SEMA3A: variants seen among roughly 807,000 people sequenced by gnomAD.
SEMA3A encodes the protein semaphorin-3A.
SEMA3A carries 29 observed loss-of-function variants against 97.9 expected under a neutral mutation model. That is an observed-to-expected ratio of 0.30 (90% CI 0.22 to 0.40). The LOEUF is 0.40. Ranked by LOEUF, SEMA3A falls within the 10% of genes least tolerant of loss-of-function variation. SEMA3A has a pLI of 1.00. For synonymous variants in SEMA3A, 321 were observed against 323.7 expected (o/e 0.99, Z 0.09); for missense variants, 763 against 951.3 (o/e 0.80, Z 2.60).
intron 4 of SEMA3A, among the ~76,000 whole-genome samples, chr7:84,067,516 C>G (rs1749890175): frequency 6.6e-6 from 1 of 151,658 alleles, no homozygotes; most frequent in Non-Finnish European, 1.5e-5. Context: ...TTTTCGCAAC[C>G]TACTCATCTG....
intron 1 of SEMA3A, among the ~76,000 whole-genome samples, chr7:84,426,438 A>G (rs1804832202): frequency 6.6e-6 from 1 of 152,116 alleles, no homozygotes; most frequent in African/African-American, 2.4e-5. Context: ...TGTAATTTAT[A>G]TTTCACAGAG....
At chr7:84,348,611 T>A (rs563473560) in intron 2 of SEMA3A, among the ~76,000 whole-genome samples, 30 of 152,322 alleles carry the variant, frequency 2.0e-4, no homozygotes, top group African/African-American at 7.2e-4. Flanking sequence ...AATATAGTGA[T>A]AAAAGTCAGA....
At chr7:84,451,750 T>A (rs1399790452) in intron 1 of SEMA3A, among the ~76,000 whole-genome samples, 1 of 152,200 alleles carries the variant, frequency 6.6e-6, no homozygotes, top group African/African-American at 2.4e-5. Context: ...CTCAGTTTTA[T>A]GTTGAGTTCA....
In SEMA3A at chr7:84,046,415, A is replaced by T. The variant is rs2115584039; in HGVS notation, c.576T>A (p.Ala192=). The part of the protein sequence containing the change: ...IDGELYSGTA[A]DFMGRDFAIF... ...TAGCAAAGTCTCGCCCCATAAAATCAGCTGCAGTTCCAGAGTATAATTCTC... is the reference window on the plus strand; with the variant it reads ...TAGCAAAGTCTCGCCCCATAAAATCTGCTGCAGTTCCAGAGTATAATTCTC... The change falls in exon 6 of 17, where the codon GCT becomes GCA. Residue 192 remains alanine (A), a synonymous_variant. Transcript: ENST00000265362. 1 of 1,613,146 alleles carries T rather than the reference A, an allele frequency of 6.2e-7. No homozygotes were observed. Among genetic ancestry groups the T allele is most frequent in the South Asian group, 1.1e-5 (1 of 91,058 alleles).
chr7:84,140,334 C>T (rs1796260644), intron 1 of SEMA3A, among the ~76,000 whole-genome samples: 1 of 152,066 alleles, frequency 6.6e-6, no homozygotes, highest in Admixed American at 6.6e-5. Flanking sequence ...TGCAAGAGTG[C>T]CCAGAACTAG....
intron 1 of SEMA3A, among the ~76,000 whole-genome samples, chr7:84,381,009 G>A (rs1803244050): frequency 6.6e-6 from 1 of 152,102 alleles, no homozygotes; most frequent in Non-Finnish European, 1.5e-5. Context: ...GCCATGTAAG[G>A]CAACATATTT....
chr7:84,131,844 A>AT (rs1795971002), intron 2 of SEMA3A, among the ~76,000 whole-genome samples: 1 of 152,054 alleles, frequency 6.6e-6, no homozygotes, highest in Non-Finnish European at 1.5e-5. Flanking sequence ...CCAGGCTGGA[A>AT]TGCAGTGGTA....
intron 9 of SEMA3A, 145 bp from the exon 10 acceptor site, chr7:84,007,642 T>A: frequency 1.4e-6 from 1 of 695,514 alleles, no homozygotes; most frequent in Non-Finnish European, 2.1e-6. Flanking sequence ...ATTTTTCTAG[T>A]CACATGTATG....
chr7:84,424,705 T>C (rs1804726639), intron 1 of SEMA3A, among the ~76,000 whole-genome samples: 1 of 58,222 alleles, frequency 1.7e-5, no homozygotes, highest in Non-Finnish European at 2.5e-5. Context: ...TTGATATCAA[T>C]ATATAATATA....
chr7:84,383,415 A>G lies in SEMA3A; in HGVS notation c.-245-11515T>C, dbSNP rs186163868. 1.9e-3 allele frequency among the ~76,000 whole-genome samples: 291 copies of G among 152,276 alleles called. 1 individual carries two copies. Among genetic ancestry groups the G allele is most frequent in the African/African-American group, 6.8e-3 (282 of 41,574 alleles). ...CAAAGGAACTTCCAAAGTACAGTAA[A>G]TTTGAAAAAAAATTCTAGTTTACTT... On this transcript the variant is annotated intron_variant, in intron 1 of 3. Coordinates refer to the SEMA3A transcript ENST00000424555.
At chr7:84,092,950 C>CA (rs554576113) in intron 4 of SEMA3A, among the ~76,000 whole-genome samples, 12 of 149,460 alleles carry the variant, frequency 8.0e-5, no homozygotes, top group South Asian at 6.4e-4. Flanking sequence ...TAATACCAAC[C>CA]AAAAAAAAAT....
chr7:84,323,183 A>C (rs1245746804), intron 2 of SEMA3A, among the ~76,000 whole-genome samples: 1 of 152,214 alleles, frequency 6.6e-6, no homozygotes, highest in Admixed American at 6.5e-5. Flanking sequence ...TTCTCTGAAG[A>C]TTAGCTATCA....
At chr7:84,349,058 G>T (rs1242622414) in intron 2 of SEMA3A, among the ~76,000 whole-genome samples, 1 of 152,152 alleles carries the variant, frequency 6.6e-6, no homozygotes. Context: ...TGAGTTTCAA[G>T]TTGTGTAATT....
chr7:84,265,644 C>A (rs1799977227), intron 3 of SEMA3A, among the ~76,000 whole-genome samples: 2 of 151,406 alleles, frequency 1.3e-5, no homozygotes, highest in Admixed American at 1.3e-4. Flanking sequence ...CTAAATATTT[C>A]ATTCCTATTT....
intron 1 of SEMA3A, among the ~76,000 whole-genome samples, chr7:84,398,024 A>G (rs1343508875): frequency 6.6e-6 from 1 of 152,098 alleles, no homozygotes; most frequent in African/African-American, 2.4e-5. Context: ...TTCTTATTTG[A>G]TTTGCTTTTT....
intron 1 of SEMA3A, among the ~76,000 whole-genome samples, chr7:84,419,590 T>C (rs1488901127): frequency 1.3e-5 from 2 of 151,316 alleles, no homozygotes; most frequent in Non-Finnish European, 2.9e-5. Context: ...GAGGAAAAGC[T>C]TGGGGGAGAG....
rs1285056598 is a variant in SEMA3A, at chr7:84,149,289, T to C, written c.113-14338A>G. Among the ~76,000 whole-genome samples the C allele has an allele frequency of 4.6e-5, 7 of 152,256 alleles. No homozygotes were observed. In the East Asian group the frequency reaches 1.2e-3, roughly 25 times the overall value. On this transcript the variant is annotated intron_variant, in intron 1 of 16. Coordinates refer to ENST00000265362, the MANE Select transcript of SEMA3A (RefSeq NM_006080.3). ...GAGAAAAGATTAAATTCTTCCATTT[T>C]GTTTCCAAATAGTTTCTTGCTATTA...
intron 2 of SEMA3A, among the ~76,000 whole-genome samples, chr7:84,356,757 T>C (rs1213231524): frequency 6.6e-6 from 1 of 152,034 alleles, no homozygotes; most frequent in Non-Finnish European, 1.5e-5. Flanking sequence ...TAATTTTGAA[T>C]TGTTCTCTAT....
At chr7:84,112,637 C>A (rs1795308173) in intron 3 of SEMA3A, among the ~76,000 whole-genome samples, 1 of 152,172 alleles carries the variant, frequency 6.6e-6, no homozygotes, top group South Asian at 2.1e-4. Context: ...CTCTTTATCT[C>A]TTATAGATTG....
Sources: allele counts gnomAD v4.1 joint callset (sites outside exome capture counted in the v4.1 genomes callset), GRCh38; gene constraint gnomAD v4.1.1; transcripts MANE v1.5; gene names NCBI Gene and HGNC (gene_info 2026-07-23, HGNC 2026-07-21).